The following TSPAN7 variants were observed in gnomAD, a reference collection of about 807,000 sequenced individuals.
The protein encoded by TSPAN7 is tetraspanin 7.
A neutral mutation model predicts 17.6 loss-of-function variants in TSPAN7; 1 was observed. The ratio of observed to expected loss-of-function variants is 0.06; its 90% confidence interval spans 0.02 to 0.27. TSPAN7 has a LOEUF of 0.27. TSPAN7 is among the 10% of genes least tolerant of loss of function. The pLI is 1.00. For synonymous variants in TSPAN7, 78 were observed against 79.0 expected (o/e 0.99, Z 0.07); for missense variants, 112 against 201.7 (o/e 0.56, Z 2.69).
At chrX:38,651,238 G>A (rs2069674432) in intron 1 of TSPAN7, among the ~76,000 whole-genome samples, 1 of 110,599 alleles carries the variant, frequency 9.0e-6, no homozygotes, top group African/African-American at 3.3e-5. Context: ...GGCCGAGGCG[G>A]GTGGATCATG....
At chrX:38,582,093 C>T (rs1015615939) in intron 1 of TSPAN7, among the ~76,000 whole-genome samples, 2 of 112,213 alleles carry the variant, frequency 1.8e-5, no homozygotes, top group Admixed American at 1.9e-4. Flanking sequence ...ATAATTTGAC[C>T]AGTCACGTAT....
chrX:38,645,189 G>T (rs1314911970), intron 1 of TSPAN7, among the ~76,000 whole-genome samples: 1 of 112,499 alleles, frequency 8.9e-6, no homozygotes. Context: ...CATCACTTCA[G>T]TTGGCTGGAG....
At chrX:38,604,760 C>G (rs1260665209) in intron 1 of TSPAN7, among the ~76,000 whole-genome samples, 122 of 110,713 alleles carry the variant, frequency 1.1e-3, no homozygotes, top group Middle Eastern at 4.6e-3. Context: ...TCAATATACA[C>G]AAATCAATAA....
At chrX:38,587,614 G>A (rs1357890219) in intron 1 of TSPAN7, among the ~76,000 whole-genome samples, 1 of 111,519 alleles carries the variant, frequency 9.0e-6, no homozygotes, top group Non-Finnish European at 1.9e-5. Context: ...AATTAATGAA[G>A]GATAACACCC....
At chrX:38,595,373 A>G (rs2069313983) in intron 1 of TSPAN7, among the ~76,000 whole-genome samples, 1 of 112,019 alleles carries the variant, frequency 8.9e-6, no homozygotes, top group African/African-American at 3.2e-5. Flanking sequence ...CATTTTTACT[A>G]TCATCTCTGC....
intron 1 of TSPAN7, chrX:38,656,092 G>A (rs1411679012): frequency 1.3e-5 from 4 of 301,580 alleles, no homozygotes; most frequent in Non-Finnish European, 2.6e-5. Context: ...TATTTATTGA[G>A]CTGATTCTGT....
chrX:38,664,963 T>C (rs2069772973), intron 1 of TSPAN7, among the ~76,000 whole-genome samples: 1 of 112,127 alleles, frequency 8.9e-6, no homozygotes, highest in Non-Finnish European at 1.9e-5. Flanking sequence ...AGGAGAGAGG[T>C]CTAAGCATCT....
intron 2 of TSPAN7, among the ~76,000 whole-genome samples, chrX:38,671,151 C>T (rs1287708668): frequency 2.7e-5 from 3 of 112,095 alleles, no homozygotes; most frequent in African/African-American, 9.7e-5. Flanking sequence ...GTGAATTCTC[C>T]CCAGCCTGTG....
At chrX:38,622,807 T>G in intron 1 of TSPAN7, 1 of 315,491 alleles carries the variant, frequency 3.2e-6, no homozygotes, top group South Asian at 2.9e-5. Context: ...ACTTGGTTCT[T>G]TCCCCTCTTT....
At chrX:38,682,609 G>A (rs1277495879) in intron 6 of TSPAN7, among the ~76,000 whole-genome samples, 2 of 112,125 alleles carry the variant, frequency 1.8e-5, no homozygotes, top group African/African-American at 3.2e-5. Flanking sequence ...TATGTTTCTT[G>A]TTGCAATTTC....
chrX:38,583,062 GT>G (rs1454647235), intron 1 of TSPAN7, among the ~76,000 whole-genome samples: 1 of 111,919 alleles, frequency 8.9e-6, no homozygotes, highest in Non-Finnish European at 1.9e-5. Context: ...TGTTGAAATA[GT>G]TATTTTAAAA....
intron 1 of TSPAN7, chrX:38,570,925 G>C (rs2069166115): frequency 9.0e-6 from 1 of 111,207 alleles, no homozygotes; most frequent in Admixed American, 9.5e-5. Flanking sequence ...TTTTCCTTTT[G>C]GTTATTTGAT....
intron 4 of TSPAN7, among the ~76,000 whole-genome samples, chrX:38,674,914 G>T (rs772748134): frequency 2.7e-5 from 3 of 111,623 alleles, no homozygotes; most frequent in Non-Finnish European, 5.7e-5. Flanking sequence ...GGTTTTTCTT[G>T]GTTTTGTTTA....
chrX:38,623,080 A>G (rs1237351415), intron 1 of TSPAN7: 1 of 329,304 alleles, frequency 3.0e-6, no homozygotes, highest in East Asian at 9.8e-5. Flanking sequence ...TTTTATCTGT[A>G]CAGTTGAAGC....
At chrX:38,569,114 G>A (rs2069156914) in intron 1 of TSPAN7, among the ~76,000 whole-genome samples, 1 of 110,706 alleles carries the variant, frequency 9.0e-6, no homozygotes, top group African/African-American at 3.3e-5. Context: ...TCTTTTTTCT[G>A]TACGTGTTTA....
chrX:38,600,803 G>T (rs1327040619), intron 1 of TSPAN7, among the ~76,000 whole-genome samples: 2 of 111,693 alleles, frequency 1.8e-5, no homozygotes, highest in Non-Finnish European at 3.8e-5. Context: ...AATAGCAATG[G>T]GCATTACATT....
chrX:38,564,874 C>T (rs570809474), intron 1 of TSPAN7, among the ~76,000 whole-genome samples: 4 of 111,432 alleles, frequency 3.6e-5, no homozygotes, highest in African/African-American at 9.8e-5. Context: ...AGTACAAGTC[C>T]CTCATCAGAT....
intron 1 of TSPAN7, among the ~76,000 whole-genome samples, chrX:38,619,020 AT>A (rs1336916198): frequency 8.1e-5 from 9 of 111,523 alleles, no homozygotes; most frequent in African/African-American, 2.6e-4. Context: ...TTGTCCTGAG[AT>A]TATATCTCAG....
In TSPAN7 at chrX:38,563,256, A is replaced by G. The variant is rs1015986597; in HGVS notation, c.81+1629A>G. 11 of 511,948 alleles carry G rather than the reference A, an allele frequency of 2.1e-5. No individual in the cohort carries two copies. In the African/African-American group the frequency reaches 2.8e-4, roughly 13 times the overall value. 42.2% of individuals were successfully genotyped at this position (511,948 alleles called of 1,213,427 possible). On this transcript the variant is annotated intron_variant, in intron 1 of 7. Transcript: ENST00000378482. ...ACTTTATTTGGACTGACAACGACAC[A>G]GGTTGAAATGTCTCAGTAGTGGAAT... is the stretch of plus-strand genomic sequence containing the variant.
Sources: gnomAD v4.1 joint callset for allele counts (sites outside exome capture counted in the v4.1 genomes callset) on GRCh38, gnomAD v4.1.1 for gene constraint, MANE v1.5 for transcripts, NCBI Gene and HGNC (gene_info 2026-07-23, HGNC 2026-07-21) for gene names.